EEF1AKMT2: variants seen among roughly 807,000 people sequenced by gnomAD.
The protein encoded by EEF1AKMT2 is eukaryotic translation elongation factor 1 alpha lysine methyltransferase 2.
In EEF1AKMT2, 32 loss-of-function variants were observed where a neutral mutation model predicts 35.8. The observed-to-expected ratio is 0.89, with a 90% CI of 0.67 to 1.20. EEF1AKMT2 has a LOEUF of 1.20. Ranked by LOEUF, EEF1AKMT2 falls within the 50% of genes most tolerant of loss-of-function variation. EEF1AKMT2 has a pLI of 0.00. For synonymous variants in EEF1AKMT2, 121 were observed against 133.7 expected, an observed-to-expected ratio of 0.91 and a Z score of 0.65; for missense variants, 330 against 347.5, an observed-to-expected ratio of 0.95 and a Z score of 0.40.
At chr10:124,760,789 G>A (rs1347745653) in intron 6 of EEF1AKMT2, among the ~76,000 whole-genome samples, 1 of 152,186 alleles carries the variant, frequency 6.6e-6, no homozygotes, top group South Asian at 2.1e-4. Flanking sequence ...CTTCCTGTTT[G>A]TCATCTCTGC....
At chr10:124,789,768 A>G (rs1950618272) in intron 2 of EEF1AKMT2, among the ~76,000 whole-genome samples, 1 of 151,878 alleles carries the variant, frequency 6.6e-6, no homozygotes, top group African/African-American at 2.4e-5. Context: ...TCTAAAAAAA[A>G]AAAAAAAGTA....
chr10:124,770,832 G>A (rs1442309025), intron 4 of EEF1AKMT2, among the ~76,000 whole-genome samples: 1 of 152,194 alleles, frequency 6.6e-6, no homozygotes, highest in African/African-American at 2.4e-5. Context: ...TCCACCATAA[G>A]AAGCAACTCC....
chr10:124,790,300 C>T lies in EEF1AKMT2; in HGVS notation c.149G>A (p.Arg50Gln), dbSNP rs138061690. 4.2e-4 allele frequency: 670 copies of T among 1,612,614 alleles called. 4 individuals carry two copies. The African/African-American group carries it at 8.2e-3, about 20-fold the overall frequency. ...GATTTCACCTGTATCTCCATATTCT[C>T]GGAAAGTTTGCAGTTCTCTCTCATA... Reference protein sequence around the residue: ...AVYERELQTFREYGDTGEIWF... With the variant: ...AVYERELQTFQEYGDTGEIWF... The change falls in exon 2 of 7, where the codon CGA becomes CAA. Residue 50 changes from arginine to glutamine, a missense_variant. By Grantham distance (43) the Arg-to-Gln change is conservative. Transcript: ENST00000368836.
rs2052289061 is a variant in EEF1AKMT2, at chr10:124,758,235, T to C, written c.*2268A>G. On this transcript the variant is annotated 3_prime_UTR_variant, in exon 7 of 7. Transcript: ENST00000368836. ...TAACTTACTGCTTTTTATAAGTGCATAATTTCTGTCACAGTTACCCACATA... is the reference window on the plus strand; with the variant it reads ...TAACTTACTGCTTTTTATAAGTGCACAATTTCTGTCACAGTTACCCACATA... The C allele has an allele frequency of 6.6e-6, 1 of 152,252 alleles. No homozygotes were observed. The highest frequency in any genetic ancestry group is 2.1e-4 in the South Asian group (1 of 4,838). The allele number at this position is 152,252 out of a possible 1,614,324, so 9.4% of individuals were successfully genotyped here.
intron 3 of EEF1AKMT2, among the ~76,000 whole-genome samples, chr10:124,775,273 CT>C (rs1165936182): frequency 6.6e-6 from 1 of 152,202 alleles, no homozygotes; most frequent in Non-Finnish European, 1.5e-5. Flanking sequence ...TTGTATACTA[CT>C]TTTACGTCTT....
intron 3 of EEF1AKMT2, among the ~76,000 whole-genome samples, chr10:124,787,188 T>TCC (rs1950592515): frequency 6.6e-6 from 1 of 152,010 alleles, no homozygotes; most frequent in African/African-American, 2.4e-5. Context: ...GACCTTGTGA[T>TCC]CCACCTGCCT....
chr10:124,788,710 T>TTATATATATATATATATATGTATATA lies in EEF1AKMT2; in HGVS notation c.291+332_291+333insTATATACATATATATATATATATATA, dbSNP rs1950609270. ...CTACTGGAATTGCAAAAGGTCATCTTTATATATATATATATATATGCATTT... is the reference window on the plus strand; with the variant it reads ...CTACTGGAATTGCAAAAGGTCATCTTTATATATATATATATATATGTATATATATATATATATATATATATGCATTT... On this transcript the variant is annotated intron_variant, in intron 3 of 6. Coordinates refer to ENST00000368836, the MANE Select transcript of EEF1AKMT2 (RefSeq NM_212554.4). Among the ~76,000 whole-genome samples, 3 of 92,506 alleles carry TTATATATATATATATATATGTATATA rather than the reference T, an allele frequency of 3.2e-5. 1 individual carries two copies. The South Asian group carries it at 1.5e-3, about 45-fold the overall frequency. 60.7% of individuals were successfully genotyped at this position (92,506 alleles called of 152,430 possible).
intron 3 of EEF1AKMT2, among the ~76,000 whole-genome samples, chr10:124,783,797 G>A (rs995100928): frequency 2.0e-5 from 3 of 151,918 alleles, no homozygotes; most frequent in African/African-American, 4.8e-5. Context: ...AGGTGCACTT[G>A]CCACCAACCA....
At chr10:124,767,715 G>A (rs987593928) in intron 4 of EEF1AKMT2, among the ~76,000 whole-genome samples, 1 of 152,164 alleles carries the variant, frequency 6.6e-6, no homozygotes, top group African/African-American at 2.4e-5. Flanking sequence ...GCCAGGCATA[G>A]TGGCTCACAC....
At chr10:124,782,721 G>A (rs1950553058) in intron 3 of EEF1AKMT2, among the ~76,000 whole-genome samples, 2 of 151,388 alleles carry the variant, frequency 1.3e-5, no homozygotes, top group Non-Finnish European at 1.5e-5. Flanking sequence ...GCTGAGGCAG[G>A]AGAATCACTT....
intron 3 of EEF1AKMT2, among the ~76,000 whole-genome samples, chr10:124,781,752 G>C (rs1039077122): frequency 1.6e-5 from 2 of 126,846 alleles, no homozygotes; most frequent in Non-Finnish European, 3.4e-5. Flanking sequence ...TAGACAGAAA[G>C]AAAAAAAAAA....
chr10:124,765,821 C>G, intron 4 of EEF1AKMT2: 1 of 473,904 alleles, frequency 2.1e-6, no homozygotes. Context: ...CTGGTATTTC[C>G]TGAACATTCC....
intron 4 of EEF1AKMT2, 95 bp downstream of exon 4, chr10:124,774,580 A>T: frequency 1.7e-6 from 1 of 589,998 alleles, no homozygotes; most frequent in Non-Finnish European, 2.5e-6. Flanking sequence ...TTTATGATTG[A>T]TCCCTAATTT....
At chr10:124,773,775 C>T (rs1216324006) in intron 4 of EEF1AKMT2, among the ~76,000 whole-genome samples, 1 of 152,074 alleles carries the variant, frequency 6.6e-6, no homozygotes, top group Non-Finnish European at 1.5e-5. Flanking sequence ...TAATGAAAAG[C>T]TCTGAAATAT....
intron 6 of EEF1AKMT2, among the ~76,000 whole-genome samples, chr10:124,762,070 C>CT (rs778847285): frequency 7.2e-5 from 11 of 152,114 alleles, no homozygotes; most frequent in Non-Finnish European, 1.6e-4. Flanking sequence ...TCAAATAACT[C>CT]TTATAAACAG....
At chr10:124,771,150 A>G (rs971882266) in intron 4 of EEF1AKMT2, among the ~76,000 whole-genome samples, 4 of 150,276 alleles carry the variant, frequency 2.7e-5, no homozygotes, top group Non-Finnish European at 5.9e-5. Context: ...CCCAGGCTGG[A>G]GTGCAGCGGC....
At chr10:124,776,613 C>A (rs1950489620) in intron 3 of EEF1AKMT2, among the ~76,000 whole-genome samples, 2 of 151,546 alleles carry the variant, frequency 1.3e-5, no homozygotes, top group Admixed American at 1.3e-4. Context: ...CACGGTGAAA[C>A]CCCATCTCTA....
At chr10:124,781,862 CATA>C (rs1564908230) in intron 3 of EEF1AKMT2, among the ~76,000 whole-genome samples, 1 of 151,188 alleles carries the variant, frequency 6.6e-6, no homozygotes, top group East Asian at 1.9e-4. Context: ...TGAAAAAAAT[CATA>C]ATATTATCTA....
At chr10:124,756,504 T>A (rs1309389439), downstream of EEF1AKMT2, among the ~76,000 whole-genome samples, 1 of 152,256 alleles carries the variant, frequency 6.6e-6, no homozygotes, top group Non-Finnish European at 1.5e-5. Flanking sequence ...TAAACTATAG[T>A]GACAGCTCAA....
Sources: gnomAD v4.1 joint callset for allele counts (sites outside exome capture counted in the v4.1 genomes callset) on GRCh38, gnomAD v4.1.1 for gene constraint, MANE v1.5 for transcripts, NCBI Gene and HGNC (gene_info 2026-07-23, HGNC 2026-07-21) for gene names.